CENPH: variants seen among roughly 807,000 people sequenced by gnomAD.
The protein encoded by CENPH is centromere protein H, also known as CENP-H.
In CENPH, 40 loss-of-function variants were observed where a neutral mutation model predicts 42.9. The ratio of observed to expected loss-of-function variants is 0.93; its 90% CI spans 0.72 to 1.21. The LOEUF (loss-of-function observed/expected upper bound fraction) is 1.21, where lower values mean the gene tolerates loss of function less well. CENPH is among the 50% of genes most tolerant of loss of function. CENPH has a pLI of 0.00. For synonymous variants in CENPH, 88 were observed against 96.5 expected (o/e 0.91, Z 0.52); for missense variants, 302 against 292.9 (o/e 1.03, Z -0.23).
rs70992906 is a variant in CENPH at position 69,200,719 on chromosome 5, C to CTTTTTTTT, written c.372-1760_372-1753dup. On this transcript the variant is annotated intron_variant, in intron 5 of 8. Transcript: ENST00000283006. ...TCCCAAACTTTCTGAATCAGCGTATCTTTTTTTTTTTTTTTTTTTTTTTTT... is the reference window on the plus strand; with the variant it reads ...TCCCAAACTTTCTGAATCAGCGTATCTTTTTTTTTTTTTTTTTTTTTTTTTTTTTTTTT... 8.3e-3 allele frequency among the ~76,000 whole-genome samples: 389 copies of CTTTTTTTT among 46,906 alleles called. 82 individuals are homozygous for CTTTTTTTT. Among genetic ancestry groups the CTTTTTTTT allele is most frequent in the East Asian group, 0.014 (16 of 1,154 alleles). The allele number at this position is 46,906 out of a possible 152,430, so 30.8% of individuals were successfully genotyped here. A position where few individuals can be genotyped will look rare whatever the true frequency, so the allele number is the denominator to read the frequency against.
chr5:69,197,167 T>C (rs2112085720), intron 5 of CENPH, 58 bp downstream of exon 5: 5 of 1,097,294 alleles, frequency 4.6e-6, no homozygotes, highest in Non-Finnish European at 6.4e-6. Flanking sequence ...GTGACTTTAG[T>C]TTTGTGAATT....
intron 6 of CENPH, 99 bp from the exon 7 acceptor site, chr5:69,202,820 T>C (rs61619929): frequency 1.3e-6 from 1 of 751,520 alleles, no homozygotes; most frequent in African/African-American, 1.8e-5. Context: ...ACTGGAACTT[T>C]AGATAACTAA....
intron 5 of CENPH, among the ~76,000 whole-genome samples, chr5:69,198,670 TG>T (rs1362707238): frequency 2.0e-5 from 3 of 152,316 alleles, no homozygotes; most frequent in Middle Eastern, 3.4e-3. Flanking sequence ...CAGAGGCTCA[TG>T]CCTGTAATCC....
At chr5:69,205,542 A>T (rs773093700) in intron 7 of CENPH, among the ~76,000 whole-genome samples, 1 of 150,934 alleles carries the variant, frequency 6.6e-6, no homozygotes, top group Non-Finnish European at 1.5e-5. Flanking sequence ...GTTTTTTGAG[A>T]CAGGGTCTTG....
intron 5 of CENPH, 69 bp from the exon 6 acceptor site, chr5:69,202,437 A>T: frequency 1.2e-6 from 1 of 864,620 alleles, no homozygotes; most frequent in Non-Finnish European, 1.9e-6. Context: ...TTCCTTCATT[A>T]ATGACAGCTA....
At chr5:69,195,423 C>T (rs1235047724) in intron 3 of CENPH, among the ~76,000 whole-genome samples, 1 of 151,966 alleles carries the variant, frequency 6.6e-6, no homozygotes, top group Non-Finnish European at 1.5e-5. Flanking sequence ...TTTATTTTTC[C>T]AAATAACTTG....
Position 69,209,971 on chromosome 5 carries a change from C to CT in CENPH, c.*177dup. The CT allele has an allele frequency of 2.4e-6, 1 of 414,400 alleles. No individual in the cohort carries two copies. The highest frequency in any genetic ancestry group is 4.2e-6 in the Non-Finnish European group (1 of 236,168). The allele number at this position is 414,400 out of a possible 1,614,324, so 25.7% of individuals were successfully genotyped here. On this transcript the variant is annotated 3_prime_UTR_variant, in exon 9 of 9. Transcript: ENST00000283006. ...TAGTGGGATTGAAAGTAATTTTTTT[C>CT]TTTTTATATTTCTATATTTAGTTTG...
intron 4 of CENPH, 62 bp from the exon 5 acceptor site, chr5:69,196,990 AT>A: frequency 4.7e-6 from 5 of 1,069,240 alleles, no homozygotes; most frequent in Middle Eastern, 2.2e-4. Flanking sequence ...CATGTTTTGA[AT>A]TTTTTTAATG....
At chr5:69,196,869 C>T (rs1003617854) in intron 4 of CENPH, among the ~76,000 whole-genome samples, 184 bp from the exon 5 acceptor site, 2 of 152,130 alleles carry the variant, frequency 1.3e-5, no homozygotes, top group African/African-American at 4.8e-5. Flanking sequence ...CCCTATCCAT[C>T]TTGGTGTTAT....
intron 2 of CENPH, among the ~76,000 whole-genome samples, chr5:69,194,440 G>C (rs1229902733): frequency 1.3e-5 from 2 of 152,178 alleles, no homozygotes; most frequent in Admixed American, 6.5e-5. Context: ...TATGTCATTA[G>C]TAATGTTAAA....
chr5:69,207,536 G>A (rs957489366), intron 7 of CENPH, among the ~76,000 whole-genome samples: 9 of 151,182 alleles, frequency 6.0e-5, no homozygotes, highest in Non-Finnish European at 1.2e-4. Flanking sequence ...GGCCGGGCGC[G>A]GTGGCTCACG....
At chr5:69,202,173 A>C (rs754571841) in intron 5 of CENPH, among the ~76,000 whole-genome samples, 1 of 152,222 alleles carries the variant, frequency 6.6e-6, no homozygotes, top group African/African-American at 2.4e-5. Context: ...CTAAAAAATA[A>C]ATTCAAAACA....
At chr5:69,205,698 A>G (rs1211741633) in intron 7 of CENPH, among the ~76,000 whole-genome samples, 2 of 117,894 alleles carry the variant, frequency 1.7e-5, no homozygotes, top group African/African-American at 6.7e-5. Flanking sequence ...TTTTCTGTAG[A>G]TATCTTTTTT....
At chr5:69,189,918 C>T in intron 1 of CENPH, 150 bp downstream of exon 1, 2 of 928,998 alleles carry the variant, frequency 2.2e-6, no homozygotes, top group East Asian at 3.1e-5. Flanking sequence ...GAAGCTCTTT[C>T]TTCATCAGCG....
At chr5:69,202,889 G>T in intron 6 of CENPH, 30 bp from the exon 7 acceptor site, 1 of 1,368,716 alleles carries the variant, frequency 7.3e-7, no homozygotes, top group Non-Finnish European at 1.0e-6. Context: ...ATACAGTAAT[G>T]TGCTTTAACT....
At chr5:69,195,169 C>T (rs929134723) in intron 3 of CENPH, among the ~76,000 whole-genome samples, 6 of 152,104 alleles carry the variant, frequency 3.9e-5, no homozygotes, top group African/African-American at 7.2e-5. Context: ...GCGGAGGTTG[C>T]GGTGAGCCAA....
chr5:69,204,060 TA>T (rs1748106542), intron 7 of CENPH, among the ~76,000 whole-genome samples: 1 of 107,472 alleles, frequency 9.3e-6, no homozygotes, highest in African/African-American at 3.4e-5. Flanking sequence ...ATTATATATA[TA>T]AATATATATA....
chr5:69,200,974 G>A (rs1022091707), intron 5 of CENPH, among the ~76,000 whole-genome samples: 1 of 151,060 alleles, frequency 6.6e-6, no homozygotes, highest in African/African-American at 2.4e-5. Context: ...CTGACTTCAA[G>A]GGATCCACTG....
chr5:69,202,852 A>G, intron 6 of CENPH, 67 bp from the exon 7 acceptor site: 2 of 961,074 alleles, frequency 2.1e-6, no homozygotes, highest in Non-Finnish European at 3.2e-6. Context: ...AAACTCAGTG[A>G]TTTAAGTATT....
Sources: allele counts gnomAD v4.1 joint callset (sites outside exome capture counted in the v4.1 genomes callset), GRCh38; gene constraint gnomAD v4.1.1; transcripts MANE v1.5; gene names NCBI Gene and HGNC (gene_info 2026-07-23, HGNC 2026-07-21).